LTBP1: variants seen among roughly 807,000 people sequenced by gnomAD.
LTBP1 encodes the protein latent transforming growth factor beta binding protein 1, also known as latent-transforming growth factor beta-binding protein 1.
In LTBP1, 129 loss-of-function variants were observed where a neutral mutation model predicts 207.6. That is an observed-to-expected ratio of 0.62 (90% CI 0.54 to 0.72). The LOEUF is 0.72. LTBP1 is among the 30% of genes least tolerant of loss of function. The pLI is 0.00. For missense variants in LTBP1, 2,281 were observed against 2,217.2 expected (o/e 1.03, Z -0.58); for synonymous variants, 963 against 833.7 (o/e 1.16, Z -2.67).
intron 19 of LTBP1, among the ~76,000 whole-genome samples, chr2:33,282,836 G>A (rs184223962): frequency 9.2e-5 from 14 of 152,212 alleles, no homozygotes; most frequent in Admixed American, 2.0e-4. Context: ...AGGCCAAGAC[G>A]GGTGGATCAT....
intron 3 of LTBP1, among the ~76,000 whole-genome samples, chr2:33,042,682 G>A (rs2149421659): frequency 6.6e-6 from 1 of 152,332 alleles, no homozygotes; most frequent in African/African-American, 2.4e-5. Context: ...TGTCACTGAA[G>A]ATGAGGTCAC....
intron 2 of LTBP1, among the ~76,000 whole-genome samples, chr2:32,987,451 C>T (rs927213809): frequency 6.6e-6 from 1 of 151,966 alleles, no homozygotes; most frequent in African/African-American, 2.4e-5. Context: ...TAGGAATTCT[C>T]GTAGTTAGTG....
At chr2:33,041,308 G>A (rs1014216980) in intron 3 of LTBP1, among the ~76,000 whole-genome samples, 3 of 151,242 alleles carry the variant, frequency 2.0e-5, no homozygotes, top group South Asian at 2.1e-4. Flanking sequence ...TTTTTGAGAC[G>A]GAGTCTCGCT....
intron 3 of LTBP1, among the ~76,000 whole-genome samples, chr2:33,030,062 G>C (rs1253349551): frequency 6.6e-6 from 1 of 152,116 alleles, no homozygotes; most frequent in African/African-American, 2.4e-5. Flanking sequence ...TGCTTTCAGA[G>C]CACTGCCTTT....
At chr2:32,958,335 A>C (rs1572818961) in intron 2 of LTBP1, among the ~76,000 whole-genome samples, 1 of 152,196 alleles carries the variant, frequency 6.6e-6, no homozygotes, top group African/African-American at 2.4e-5. Flanking sequence ...AGCTCTCAGC[A>C]CCTTTCATTT....
At chr2:33,162,632 T>C (rs1450705848) in intron 5 of LTBP1, among the ~76,000 whole-genome samples, 1 of 152,204 alleles carries the variant, frequency 6.6e-6, no homozygotes, top group Non-Finnish European at 1.5e-5. Context: ...TAAGCATAAA[T>C]CACTCATGAA....
At position 33,274,866 on chromosome 2, in the gene LTBP1, G is replaced by A. The variant is rs2093394723; in HGVS notation, c.2744-99G>A. On this transcript the variant is annotated intron_variant, in intron 16 of 33. Transcript: ENST00000404816. ...CTGTTGTCCTCAGTTATAAAGGTTG[G>A]GTGGTACCCAGGGAATAGTATGATG... is the stretch of plus-strand genomic sequence containing the variant. The A allele has an allele frequency of 1.3e-5, 15 of 1,153,372 alleles. No homozygotes were observed. The South Asian group carries it at 1.9e-4, about 14-fold the overall frequency. 71.4% of individuals were successfully genotyped at this position (1,153,372 alleles called of 1,614,324 possible). A position where few individuals can be genotyped will look rare whatever the true frequency, so the allele number is the denominator to read the frequency against.
intron 2 of LTBP1, among the ~76,000 whole-genome samples, chr2:32,970,937 G>A (rs1167011371): frequency 1.3e-5 from 2 of 150,842 alleles, no homozygotes; most frequent in African/African-American, 4.9e-5. Context: ...ATTTCTTTCA[G>A]CAGTGTTTTT....
At chr2:33,096,810 C>CTG (rs2079424025) in intron 3 of LTBP1, among the ~76,000 whole-genome samples, 1 of 152,166 alleles carries the variant, frequency 6.6e-6, no homozygotes, top group South Asian at 2.1e-4. Flanking sequence ...ACTCAGAAGG[C>CTG]TGAGGCAGGA....
chr2:32,964,079 G>A (rs1032002939), intron 2 of LTBP1, among the ~76,000 whole-genome samples: 6 of 152,148 alleles, frequency 3.9e-5, no homozygotes, highest in African/African-American at 1.2e-4. Flanking sequence ...GTGCTTCCTC[G>A]CGTCAAGATC....
At position 33,382,111 on chromosome 2, in the gene LTBP1, T is replaced by TTTTTTTTTTG. The variant is rs1553316521; in HGVS notation, c.4712-7072_4712-7071insTTTTTTTTGT. 2.7e-4 allele frequency among the ~76,000 whole-genome samples: 28 copies of TTTTTTTTTTG among 103,650 alleles called. 6 individuals carry two copies. The highest frequency in any genetic ancestry group is 1.3e-3 in the African/African-American group (27 of 20,680). The allele number at this position is 103,650 out of a possible 152,430, so 68.0% of individuals were successfully genotyped here. A position where few individuals can be genotyped will look rare whatever the true frequency, so the allele number is the denominator to read the frequency against. On this transcript the variant is annotated intron_variant, in intron 31 of 33. Transcript: ENST00000404816. ...TTTTTTTTTTTTTTTTTTTTTTTTT[T>TTTTTTTTTTG]TGAGACAGAGTCTCGCTCTGTTGCC...
intron 3 of LTBP1, among the ~76,000 whole-genome samples, chr2:33,108,537 C>T (rs218223): frequency 0.42 from 63,958 of 151,704 alleles, 14,734 homozygotes; most frequent in South Asian, 0.62. Context: ...TCTTGTCCTC[C>T]GCTTCCTCAA....
intron 5 of LTBP1, among the ~76,000 whole-genome samples, chr2:33,172,848 A>G (rs1156649207): frequency 6.6e-6 from 1 of 152,150 alleles, no homozygotes; most frequent in African/African-American, 2.4e-5. Flanking sequence ...GGATTAAGAA[A>G]CTCACTCAAA....
intron 24 of LTBP1, among the ~76,000 whole-genome samples, chr2:33,315,680 C>T (rs757808455): frequency 1.3e-5 from 2 of 152,110 alleles, no homozygotes; most frequent in Non-Finnish European, 2.9e-5. Context: ...TGCGGTGGCT[C>T]ACACCAGCAC....
At chr2:33,011,996 C>G (rs900861212) in intron 2 of LTBP1, among the ~76,000 whole-genome samples, 7 of 151,988 alleles carry the variant, frequency 4.6e-5, no homozygotes, top group Non-Finnish European at 1.0e-4. Context: ...AACTCCCTGA[C>G]CCCCACTGTG....
chr2:33,186,872 A>G lies in LTBP1; in HGVS notation c.1218A>G (p.Pro406=), dbSNP rs1274562092. The change falls in exon 6 of 34, where the codon CCA becomes CCG. Residue 406 remains proline (P), a synonymous_variant. Coordinates refer to ENST00000404816, the MANE Select transcript of LTBP1 (RefSeq NM_206943.4). The stretch of plus-strand genomic sequence containing the variant: ...CCCTTTTAGTAATTTGCCATCTTCC[A>G]TGTATGAATGGTGGCCAGTGCAGTT... The part of the protein sequence containing the change: ...TNFRVVICHL[P]CMNGGQCSSR... 7 of 1,613,904 alleles carry G rather than the reference A, an allele frequency of 4.3e-6. No homozygotes were observed. The Admixed American group carries it at 5.0e-5, about 12-fold the overall frequency.
chr2:33,157,295 A>AG (rs112487296), intron 5 of LTBP1, among the ~76,000 whole-genome samples: 2,326 of 152,318 alleles, frequency 0.015, 23 homozygotes, highest in East Asian at 0.027. Context: ...GGCTGTAAGC[A>AG]GTTAAGGAAG....
At chr2:33,262,164 C>T (rs902844103) in intron 13 of LTBP1, among the ~76,000 whole-genome samples, 1 of 152,192 alleles carries the variant, frequency 6.6e-6, no homozygotes, top group Admixed American at 6.5e-5. Flanking sequence ...TGTTGCTCTG[C>T]CTGGCTACCA....
intron 4 of LTBP1, among the ~76,000 whole-genome samples, chr2:33,116,474 AT>A (rs1442078364): frequency 6.6e-6 from 1 of 152,362 alleles, no homozygotes; most frequent in Admixed American, 6.5e-5. Flanking sequence ...TCTTAAAAAA[AT>A]GTACCAATTT....
Sources: gnomAD v4.1 joint callset for allele counts (sites outside exome capture counted in the v4.1 genomes callset) on GRCh38, gnomAD v4.1.1 for gene constraint, MANE v1.5 for transcripts, NCBI Gene and HGNC (gene_info 2026-07-23, HGNC 2026-07-21) for gene names.